IREB2: variants seen among roughly 807,000 people sequenced by gnomAD.
IREB2 encodes the protein iron responsive element binding protein 2, also known as iron-responsive element-binding protein 2.
IREB2 carries 39 observed loss-of-function variants against 118.8 expected under a neutral mutation model. The ratio of observed to expected loss-of-function variants is 0.33; its 90% confidence interval spans 0.25 to 0.43. The LOEUF (loss-of-function observed/expected upper bound fraction) is 0.43. Among genes scored for constraint, IREB2 ranks in the 20% least tolerant of loss-of-function variants. IREB2 has a pLI of 1.00. For missense variants in IREB2, 900 were observed against 1,147.3 expected, an observed-to-expected ratio of 0.78 and a Z score of 3.11; for synonymous variants, 372 against 392.2, an observed-to-expected ratio of 0.95 and a Z score of 0.61.
In IREB2 at chr15:78,471,748, C is replaced by T; in HGVS notation, c.707C>T (p.Ser236Leu). Residue 236 changes from serine to leucine, a missense_variant, in exon 7 of 22, where the codon TCA becomes TTA. Coordinates refer to ENST00000258886, the MANE Select transcript of IREB2 (RefSeq NM_004136.4). ...RERLQFFKWS[S>L]RVFKNVAVIP... Reference sequence around the variant, plus strand: ...AATTTAAACAAAATATAGTGGAGTTCAAGAGTTTTTAAGAATGTGGCAGTG... The same window carrying T: ...AATTTAAACAAAATATAGTGGAGTTTAAGAGTTTTTAAGAATGTGGCAGTG... The T allele has an allele frequency of 1.3e-6, 2 of 1,593,996 alleles. No homozygotes were observed. The highest frequency in any genetic ancestry group is 1.7e-6 in the Non-Finnish European group (2 of 1,169,940).
chr15:78,483,542 A>G, intron 11 of IREB2, 108 bp downstream of exon 11: 1 of 665,668 alleles, frequency 1.5e-6, no homozygotes, highest in Non-Finnish European at 2.7e-6. Flanking sequence ...TTTATATATT[A>G]TGGCACACAC....
intron 17 of IREB2, 29 bp from the exon 18 acceptor site, chr15:78,490,590 G>A (rs774863012): frequency 1.9e-6 from 3 of 1,612,614 alleles, no homozygotes; most frequent in Non-Finnish European, 2.5e-6. Context: ...CTTGTAAAGA[G>A]TTAAATGCCT....
chr15:78,473,488 C>G, intron 8 of IREB2, 107 bp downstream of exon 8: 1 of 791,684 alleles, frequency 1.3e-6, no homozygotes, highest in Non-Finnish European at 2.1e-6. Context: ...ATCCTCAGGT[C>G]TCTTGACGTT....
intron 10 of IREB2, among the ~76,000 whole-genome samples, chr15:78,478,798 G>T (rs531393102): frequency 3.2e-4 from 48 of 152,250 alleles, no homozygotes; most frequent in Middle Eastern, 6.8e-3. Context: ...ATAACCTTGG[G>T]CAATTTATTT....
chr15:78,479,634 C>T (rs1204589442), intron 10 of IREB2, among the ~76,000 whole-genome samples: 1 of 152,122 alleles, frequency 6.6e-6, no homozygotes, highest in Non-Finnish European at 1.5e-5. Context: ...TATCTCCCTT[C>T]AGAATAATCA....
chr15:78,487,841 C>A, intron 14 of IREB2, 24 bp downstream of exon 14: 2 of 1,321,222 alleles, frequency 1.5e-6, no homozygotes, highest in Non-Finnish European at 2.2e-6. Flanking sequence ...ATTGGCAAGA[C>A]ATCTAAATGA....
In IREB2 at chr15:78,447,054, G is replaced by A. The variant is rs190694924; in HGVS notation, c.106+7173G>A. Among the ~76,000 whole-genome samples, 143 of 152,274 alleles carry A rather than the reference G, an allele frequency of 9.4e-4. 1 individual carries two copies. The highest frequency in any genetic ancestry group is 3.3e-3 in the African/African-American group (139 of 41,560). The stretch of plus-strand genomic sequence containing the variant: ...GATTTGAAGGAAATAAGGAAATTGA[G>A]GGGATCTGAGTGCGTGGTCAGATCA... On this transcript the variant is annotated intron_variant, in intron 2 of 21. Coordinates refer to ENST00000258886, the MANE Select transcript of IREB2 (RefSeq NM_004136.4).
rs768385913 is a variant in IREB2 at position 78,438,383 on chromosome 15, C to T, written c.19+27C>T. 3 of 1,593,014 alleles carry T rather than the reference C, an allele frequency of 1.9e-6. No homozygotes were observed. The East Asian group carries it at 6.8e-5, about 36-fold the overall frequency. ...TCAGTTTCGGGCCTCCGAGCTGGGT[C>T]TGGCAGTTGGAAACGCGCGCTGCCT... On this transcript the variant is annotated intron_variant, in intron 1 of 21. Coordinates refer to ENST00000258886, the MANE Select transcript of IREB2 (RefSeq NM_004136.4).
intron 18 of IREB2, among the ~76,000 whole-genome samples, chr15:78,493,625 T>A (rs2051788677): frequency 6.6e-6 from 1 of 151,572 alleles, no homozygotes; most frequent in African/African-American, 2.4e-5. Context: ...GGTGTAAAGA[T>A]TTTTTTTTAA....
At position 78,439,095 on chromosome 15, in the gene IREB2, C is replaced by T. The variant is rs116760913; in HGVS notation, c.20-700C>T. Among the ~76,000 whole-genome samples the T allele has an allele frequency of 8.5e-3, 1,301 of 152,190 alleles. 18 individuals are homozygous for T. Among genetic ancestry groups the T allele is most frequent in the African/African-American group, 0.03 (1,241 of 41,492 alleles). On this transcript the variant is annotated intron_variant, in intron 1 of 21. Transcript: ENST00000258886. ...TCAGGGCTGCCTCCCCGCCACTGCC[C>T]CCTAGAATGTTGGGAGCTGAGGCAC...
At chr15:78,475,220 T>G (rs1489909668) in intron 8 of IREB2, 1 of 152,160 alleles carries the variant, frequency 6.6e-6, no homozygotes, top group South Asian at 2.1e-4. Context: ...GATAGTTTCA[T>G]TCTTAGTCGC....
At chr15:78,455,731 C>G (rs1253990279) in intron 2 of IREB2, among the ~76,000 whole-genome samples, 1 of 152,192 alleles carries the variant, frequency 6.6e-6, no homozygotes. Context: ...GCATCTGCCC[C>G]TTAGTCCTAA....
At chr15:78,496,222 A>G (rs2051835772) in intron 20 of IREB2, among the ~76,000 whole-genome samples, 1 of 151,974 alleles carries the variant, frequency 6.6e-6, no homozygotes, top group Non-Finnish European at 1.5e-5. Context: ...CTCTCATCCT[A>G]TTCCCTTTGT....
At chr15:78,454,179 A>G (rs962824120) in intron 2 of IREB2, among the ~76,000 whole-genome samples, 3 of 152,238 alleles carry the variant, frequency 2.0e-5, no homozygotes, top group Non-Finnish European at 4.4e-5. Context: ...CAGCAATATC[A>G]TTCCTAAGTA....
chr15:78,438,053 C>G (rs1396521812), upstream of IREB2: 1 of 487,578 alleles, frequency 2.1e-6, no homozygotes, highest in Non-Finnish European at 3.7e-6. Flanking sequence ...GCGCTCCGCC[C>G]CCGCTCGCGA....
chr15:78,494,135 TC>T lies in IREB2; in HGVS notation c.2473-6del. ...TTAAAAAATTTTGTGTTTGTTTTAATCTACAGCTAGATGTATTTGAGGCTGC... is the reference window on the plus strand; with the variant it reads ...TTAAAAAATTTTGTGTTTGTTTTAATTACAGCTAGATGTATTTGAGGCTGC... On this transcript the variant is annotated splice_polypyrimidine_tract_variant and splice_region_variant and intron_variant, in intron 19 of 21. Transcript: ENST00000258886. The T allele has an allele frequency of 6.2e-7, 1 of 1,613,044 alleles. No homozygotes were observed. The highest frequency in any genetic ancestry group is 1.1e-5 in the South Asian group (1 of 90,950).
At chr15:78,442,124 G>A (rs2141443217) in intron 2 of IREB2, among the ~76,000 whole-genome samples, 1 of 152,182 alleles carries the variant, frequency 6.6e-6, no homozygotes, top group South Asian at 2.1e-4. Context: ...TCAAACTCCT[G>A]ACCTCAAGTG....
intron 2 of IREB2, among the ~76,000 whole-genome samples, chr15:78,457,466 G>C (rs113424099): frequency 6.6e-6 from 1 of 151,896 alleles, no homozygotes; most frequent in Admixed American, 6.6e-5. Flanking sequence ...TTGAGACCTT[G>C]CTTGATTAAT....
At position 78,473,523 on chromosome 15, in the gene IREB2, G is replaced by A. The variant is rs1015015199; in HGVS notation, c.1023+142G>A. On this transcript the variant is annotated intron_variant, in intron 8 of 21. Coordinates refer to ENST00000258886, the MANE Select transcript of IREB2 (RefSeq NM_004136.4). ...TAGCCACATCATCATAGTTATCATA[G>A]TAATAACAACAAACAGAGCATTTAG... 8 of 629,658 alleles carry A rather than the reference G, an allele frequency of 1.3e-5. No homozygotes were observed. In the South Asian group the frequency reaches 1.6e-4, roughly 13 times the overall value. The allele number at this position is 629,658 out of a possible 1,614,324, so 39.0% of individuals were successfully genotyped here.
Sources: gnomAD v4.1 joint callset for allele counts (sites outside exome capture counted in the v4.1 genomes callset) on GRCh38, gnomAD v4.1.1 for gene constraint, MANE v1.5 for transcripts, NCBI Gene and HGNC (gene_info 2026-07-23, HGNC 2026-07-21) for gene names.